The following TIAM2 variants were observed in gnomAD, a reference collection of about 807,000 sequenced individuals.
TIAM2 encodes the protein TIAM Rac1 associated GEF 2, also known as rho guanine nucleotide exchange factor TIAM2.
In TIAM2, 80 loss-of-function variants were observed where a neutral mutation model predicts 152.9. The observed-to-expected ratio is 0.52, with a 90% CI of 0.44 to 0.63. The LOEUF (loss-of-function observed/expected upper bound fraction) is 0.63. Among genes scored for constraint, TIAM2 ranks in the 30% least tolerant of loss-of-function variants. TIAM2 has a pLI of 0.00. For missense variants in TIAM2, 1,965 were observed against 2,120.1 expected, an observed-to-expected ratio of 0.93 and a Z score of 1.44; for synonymous variants, 804 against 838.0, an observed-to-expected ratio of 0.96 and a Z score of 0.70.
chr6:155,081,675 G>A (rs1778065339), intron 1 of TIAM2, among the ~76,000 whole-genome samples: 1 of 152,218 alleles, frequency 6.6e-6, no homozygotes, highest in African/African-American at 2.4e-5. Context: ...CATAGGGATG[G>A]CTCAGCCTCC....
intron 26 of TIAM2, 167 bp from the exon 27 acceptor site, chr6:155,256,317 A>G (rs1325238145): frequency 7.1e-6 from 7 of 991,500 alleles, no homozygotes; most frequent in Non-Finnish European, 1.0e-5. Context: ...AAAAATGTCC[A>G]TGTTTTCAGT....
intron 1 of TIAM2, among the ~76,000 whole-genome samples, chr6:155,020,262 C>T (rs537230812): frequency 3.3e-5 from 5 of 152,230 alleles, no homozygotes; most frequent in East Asian, 1.9e-4. Flanking sequence ...ATTAGATCCA[C>T]GTCACAGAGT....
intron 23 of TIAM2, 69 bp downstream of exon 23, chr6:155,252,072 G>GA: frequency 7.6e-7 from 1 of 1,316,438 alleles, no homozygotes; most frequent in Non-Finnish European, 1.1e-6. Flanking sequence ...ACGTTGAACT[G>GA]AAAAGCCCAC....
At chr6:155,139,218 T>C (rs138009436) in intron 5 of TIAM2, among the ~76,000 whole-genome samples, 84 of 152,310 alleles carry the variant, frequency 5.5e-4, no homozygotes, top group African/African-American at 1.9e-3. Flanking sequence ...TATCGAACAG[T>C]TGGAGCCCTG....
rs1426665612 is a variant in TIAM2 at position 155,156,698 on chromosome 6, A to G, written c.2029-7717A>G. On this transcript the variant is annotated intron_variant, in intron 7 of 26. Transcript: ENST00000682666. The surrounding 1 kb of genome is among the most constrained non-coding windows in gnomAD (Gnocchi z 4.4). ...AATAAAGTAAAAAAATAAAAAGCAC[A>G]TGTGATCCTGTGATTGCCAGATAAA... 6.6e-6 allele frequency among the ~76,000 whole-genome samples: 1 copy of G among 152,068 alleles called. No homozygotes were observed. Among genetic ancestry groups the G allele is most frequent in the African/African-American group, 2.4e-5 (1 of 41,404 alleles).
intron 1 of TIAM2, among the ~76,000 whole-genome samples, chr6:155,039,719 T>C (rs551353740): frequency 2.0e-5 from 3 of 152,230 alleles, no homozygotes; most frequent in East Asian, 1.9e-4. Context: ...CCCAGAACCA[T>C]AGGAGGGGCC....
At chr6:155,205,260 GT>G (rs1333809833) in intron 14 of TIAM2, among the ~76,000 whole-genome samples, 1 of 130,926 alleles carries the variant, frequency 7.6e-6, no homozygotes, top group Non-Finnish European at 1.6e-5. Flanking sequence ...GAAAACAAAT[GT>G]TCTCCTGTCA....
chr6:155,253,760 A>C (rs1487156189), intron 24 of TIAM2: 1 of 494,656 alleles, frequency 2.0e-6, no homozygotes, highest in Non-Finnish European at 3.5e-6. Context: ...CAGATGGAGG[A>C]AAATCTGCAG....
At chr6:155,216,379 A>G (rs1246053903) in intron 15 of TIAM2, among the ~76,000 whole-genome samples, 1 of 152,228 alleles carries the variant, frequency 6.6e-6, no homozygotes, top group Non-Finnish European at 1.5e-5. Context: ...TCTAGACATT[A>G]GAATAAAGAA....
At chr6:155,068,556 G>A (rs531875812) in intron 1 of TIAM2, among the ~76,000 whole-genome samples, 9 of 151,566 alleles carry the variant, frequency 5.9e-5, no homozygotes, top group Non-Finnish European at 1.0e-4. Context: ...GGGTTCAAGC[G>A]ATTCTTCTAC....
At chr6:155,107,973 G>A (rs568859644) in intron 2 of TIAM2, among the ~76,000 whole-genome samples, 3 of 152,306 alleles carry the variant, frequency 2.0e-5, no homozygotes, top group Admixed American at 6.5e-5. Context: ...TAGGTGGAGA[G>A]ACAGAAATAG....
At chr6:155,241,030 A>G (rs6922240) in intron 16 of TIAM2, among the ~76,000 whole-genome samples, 66,713 of 152,086 alleles carry the variant, frequency 0.44, 15,615 homozygotes, top group Middle Eastern at 0.58. Context: ...GGGGAGAGAG[A>G]TCACTTTAGG....
chr6:155,071,040 G>A (rs1777828271), intron 1 of TIAM2, among the ~76,000 whole-genome samples: 3 of 152,164 alleles, frequency 2.0e-5, no homozygotes, highest in Admixed American at 2.0e-4. Context: ...GGACATGGTT[G>A]TGCATGCCTG....
At position 155,257,273 on chromosome 6, in the gene TIAM2, G is replaced by GTTA. The variant is rs989262757; in HGVS notation, c.*155_*157dup. On this transcript the variant is annotated 3_prime_UTR_variant, in exon 27 of 27. Coordinates refer to ENST00000682666, the MANE Select transcript of TIAM2 (RefSeq NM_012454.4). Reference sequence around the variant, plus strand: ...CCACAAAATGGTTGTAAAGATTTAAGTTATTTTAATTTATTGTGGATCAGA... The same window carrying GTTA: ...CCACAAAATGGTTGTAAAGATTTAAGTTATTATTTTAATTTATTGTGGATCAGA... 6 of 879,334 alleles carry GTTA rather than the reference G, an allele frequency of 6.8e-6. No individual in the cohort carries two copies. Among genetic ancestry groups the GTTA allele is most frequent in the African/African-American group, 3.4e-5 (2 of 58,204 alleles). The allele number at this position is 879,334 out of a possible 1,614,324, so 54.5% of individuals were successfully genotyped here. A position where few individuals can be genotyped will look rare whatever the true frequency, so the allele number is the denominator to read the frequency against.
intron 26 of TIAM2, chr6:155,254,901 T>C: frequency 4.7e-6 from 1 of 212,916 alleles, no homozygotes; most frequent in East Asian, 9.0e-5. Context: ...CCAGGCATCC[T>C]GAAGGTCAAT....
chr6:155,097,080 A>G (rs1307178918), intron 2 of TIAM2, among the ~76,000 whole-genome samples: 3 of 152,008 alleles, frequency 2.0e-5, no homozygotes, highest in African/African-American at 4.8e-5. Flanking sequence ...TGTAGTTTTG[A>G]TTTGCATTTC....
intron 9 of TIAM2, among the ~76,000 whole-genome samples, chr6:155,169,315 G>A (rs1421760036): frequency 6.6e-6 from 1 of 152,168 alleles, no homozygotes; most frequent in Non-Finnish European, 1.5e-5. Flanking sequence ...CTTAAGCGAG[G>A]AATGCTGGTT....
In TIAM2 at chr6:155,219,159, C is replaced by T. The variant is rs540658403; in HGVS notation, c.3168+7852C>T. On this transcript the variant is annotated intron_variant, in intron 15 of 26. Transcript: ENST00000682666. ...CATGAGATGAAAATGAACTAGAAAC[C>T]GAAAGCTGTAAGAATTGGGTCCTCT... Among the ~76,000 whole-genome samples the T allele has an allele frequency of 7.2e-5, 11 of 152,112 alleles. 1 individual carries two copies. The East Asian group carries it at 7.7e-4, about 11-fold the overall frequency.
chr6:155,192,601 C>T (rs1781233236), intron 14 of TIAM2, among the ~76,000 whole-genome samples: 1 of 149,874 alleles, frequency 6.7e-6, no homozygotes, highest in African/African-American at 2.5e-5. Flanking sequence ...TTTATGTAAA[C>T]ACAATAAACA....
Sources: allele counts gnomAD v4.1 joint callset (sites outside exome capture counted in the v4.1 genomes callset), GRCh38; gene constraint gnomAD v4.1.1; non-coding constraint Gnocchi (gnomAD v3.1); transcripts MANE v1.5; gene names NCBI Gene and HGNC (gene_info 2026-07-23, HGNC 2026-07-21).